Variants in CEP128 observed in about 807,000 individuals in gnomAD.
CEP128 encodes centrosomal protein 128kDa.
A neutral mutation model predicts 156.7 loss-of-function variants in CEP128; 132 were observed. That is an observed-to-expected ratio of 0.84 (90% CI 0.73 to 0.97). CEP128 has a LOEUF of 0.97. Ranked by LOEUF, CEP128 falls within the 50% of genes least tolerant of loss-of-function variation. The probability of loss-of-function intolerance (pLI) is 0.00; values close to 1 mark genes in which losing one functional copy is unlikely to be tolerated. For missense variants in CEP128, 1,252 were observed against 1,281.9 expected (o/e 0.98, Z 0.36); for synonymous variants, 469 against 448.9 (o/e 1.04, Z -0.57).
At chr14:80,573,984 C>G (rs1207720715) in intron 20 of CEP128, among the ~76,000 whole-genome samples, 1 of 152,118 alleles carries the variant, frequency 6.6e-6, no homozygotes, top group Non-Finnish European at 1.5e-5. Context: ...TTTGCCTAAG[C>G]TTTGAGGAAT....
intron 19 of CEP128, among the ~76,000 whole-genome samples, chr14:80,739,810 A>G (rs148736206): frequency 1.0e-3 from 155 of 152,314 alleles, no homozygotes; most frequent in African/African-American, 3.6e-3. Flanking sequence ...AACTATTTAA[A>G]TATTGCTACC....
chr14:80,513,045 T>C (rs1888331845), intron 23 of CEP128, among the ~76,000 whole-genome samples: 1 of 152,184 alleles, frequency 6.6e-6, no homozygotes, highest in South Asian at 2.1e-4. Context: ...GATTTTTCTG[T>C]GTACTTACCA....
intron 19 of CEP128, among the ~76,000 whole-genome samples, chr14:80,689,220 G>A (rs1319147990): frequency 6.6e-6 from 1 of 150,954 alleles, no homozygotes; most frequent in Non-Finnish European, 1.5e-5. Context: ...TTAGCAGGGA[G>A]GCAGAGGTTG....
chr14:80,617,919 C>T (rs968820801), intron 19 of CEP128, among the ~76,000 whole-genome samples: 4 of 152,242 alleles, frequency 2.6e-5, no homozygotes, highest in Non-Finnish European at 5.9e-5. Context: ...AATCCCACTT[C>T]ACTTAATAAC....
At chr14:80,926,921 G>T (rs1885182307) in intron 2 of CEP128, among the ~76,000 whole-genome samples, 1 of 152,106 alleles carries the variant, frequency 6.6e-6, no homozygotes, top group African/African-American at 2.4e-5. Context: ...ACACACTAAG[G>T]CTATTTATAA....
chr14:80,729,093 G>C (rs1013905551), intron 19 of CEP128, among the ~76,000 whole-genome samples: 3 of 83,236 alleles, frequency 3.6e-5, no homozygotes, highest in African/African-American at 9.2e-5. Flanking sequence ...GTGTGTGTGT[G>C]TGTGTGTGTG....
chr14:80,882,935 A>G (rs1314877496), intron 8 of CEP128, among the ~76,000 whole-genome samples: 1 of 152,182 alleles, frequency 6.6e-6, no homozygotes, highest in Non-Finnish European at 1.5e-5. Flanking sequence ...GAGGAAGGGA[A>G]GTTTAATGGG....
rs1030430288 is a variant in CEP128, at chr14:80,756,048, T to C, written c.2613+844A>G. On this transcript the variant is annotated intron_variant, in intron 18 of 24. Coordinates refer to ENST00000555265, the MANE Select transcript of CEP128 (RefSeq NM_152446.5). ...TTCAGAAATGATAAAGATTTTAACT[T>C]GAAAGAAAATTCTAAGTACATTGCT... Among the ~76,000 whole-genome samples the C allele has an allele frequency of 2.6e-5, 4 of 152,318 alleles. No individual in the cohort carries two copies. The East Asian group carries it at 7.7e-4, about 29-fold the overall frequency.
intron 2 of CEP128, among the ~76,000 whole-genome samples, chr14:80,953,108 A>G (rs1298068899): frequency 6.6e-6 from 1 of 152,252 alleles, no homozygotes; most frequent in Non-Finnish European, 1.5e-5. Context: ...AAACTCCTAT[A>G]GAAATTTAAA....
intron 21 of CEP128, among the ~76,000 whole-genome samples, chr14:80,551,769 C>T (rs988239760): frequency 1.2e-4 from 19 of 152,164 alleles, no homozygotes; most frequent in African/African-American, 3.9e-4. Flanking sequence ...TCTTCACCTC[C>T]CTCCCCAATC....
At chr14:80,541,729 T>C (rs2140312199) in intron 21 of CEP128, among the ~76,000 whole-genome samples, 1 of 152,360 alleles carries the variant, frequency 6.6e-6, no homozygotes, top group South Asian at 2.1e-4. Flanking sequence ...AAAGCTTCTA[T>C]GCCATCGTGA....
chr14:80,900,964 T>G (rs1382587695), intron 6 of CEP128, among the ~76,000 whole-genome samples: 7 of 151,874 alleles, frequency 4.6e-5, no homozygotes, highest in Non-Finnish European at 7.4e-5. Context: ...CCCAGCACTT[T>G]GGGAGGCCGA....
intron 19 of CEP128, among the ~76,000 whole-genome samples, chr14:80,634,251 T>C (rs981830580): frequency 6.6e-6 from 1 of 152,238 alleles, no homozygotes; most frequent in Non-Finnish European, 1.5e-5. Flanking sequence ...TGGAAAGCCA[T>C]AATGCCAACT....
intron 8 of CEP128, chr14:80,894,474 T>C (rs1405760579): frequency 1.9e-5 from 7 of 377,544 alleles, no homozygotes; most frequent in Admixed American, 4.0e-5. Context: ...GTATGTGATG[T>C]TTTAGATATT....
downstream of CEP128, among the ~76,000 whole-genome samples, chr14:80,485,683 T>C (rs1887146654): frequency 6.6e-6 from 1 of 152,178 alleles, no homozygotes; most frequent in Admixed American, 6.5e-5. Flanking sequence ...TGGCACATAA[T>C]AGGTCCACAA....
At chr14:80,903,954 A>G (rs1022823152) in intron 6 of CEP128, among the ~76,000 whole-genome samples, 3 of 152,152 alleles carry the variant, frequency 2.0e-5, no homozygotes, top group Admixed American at 1.3e-4. Context: ...ACTAAAAATA[A>G]GACTACTATA....
chr14:80,576,635 G>A (rs376337724), intron 20 of CEP128, among the ~76,000 whole-genome samples: 1 of 85,550 alleles, frequency 1.2e-5, no homozygotes, highest in African/African-American at 4.6e-5. Context: ...GTGTGTGTGT[G>A]TGTGTGTGTG....
intron 19 of CEP128, among the ~76,000 whole-genome samples, chr14:80,663,807 T>C (rs928027616): frequency 4.6e-5 from 7 of 152,204 alleles, no homozygotes; most frequent in Non-Finnish European, 7.3e-5. Context: ...ATGGTTCACA[T>C]AGGATTGGCC....
intron 4 of CEP128, among the ~76,000 whole-genome samples, chr14:80,912,651 C>A (rs967970856): frequency 6.6e-6 from 1 of 152,058 alleles, no homozygotes; most frequent in Non-Finnish European, 1.5e-5. Context: ...ACAAGGATGT[C>A]CAAACTCATT....
Sources: allele counts gnomAD v4.1 joint callset (sites outside exome capture counted in the v4.1 genomes callset), GRCh38; gene constraint gnomAD v4.1.1; transcripts MANE v1.5; gene names NCBI Gene and HGNC (gene_info 2026-07-23, HGNC 2026-07-21).